Variants in MFHAS1 observed in about 807,000 individuals in gnomAD.
MFHAS1 encodes the protein multifunctional ROCO family signaling regulator 1.
Under a neutral mutation model 70.4 loss-of-function variants are expected in MFHAS1, and 50 were observed. The ratio of observed to expected loss-of-function variants is 0.71; its 90% CI spans 0.57 to 0.90. The LOEUF (loss-of-function observed/expected upper bound fraction) is 0.90, where lower values mean the gene tolerates loss of function less well. MFHAS1 is among the 40% of genes least tolerant of loss of function. MFHAS1 has a pLI of 0.00. For synonymous variants in MFHAS1, 952 were observed against 620.0 expected (o/e 1.54, Z -7.96); for missense variants, 1,795 against 1,347.6 (o/e 1.33, Z -5.20).
At chr8:8,786,186 CA>C (rs1805536260) in intron 2 of MFHAS1, 131 bp from the exon 3 acceptor site, 1 of 830,738 alleles carries the variant, frequency 1.2e-6, no homozygotes, top group African/African-American at 1.7e-5. Flanking sequence ...TTCCAGGACT[CA>C]TTATAAACAT....
intron 2 of MFHAS1, among the ~76,000 whole-genome samples, chr8:8,796,095 C>G (rs1003570048): frequency 6.6e-6 from 1 of 152,078 alleles, no homozygotes; most frequent in Admixed American, 6.6e-5. Flanking sequence ...ACAAACAAAA[C>G]AAAACGAAAA....
chr8:8,890,516 T>C lies in MFHAS1; in HGVS notation c.2543A>G (p.Tyr848Cys). 1.2e-6 allele frequency: 2 copies of C among 1,613,606 alleles called. No homozygotes were observed. Among genetic ancestry groups the C allele is most frequent in the Non-Finnish European group, 1.7e-6 (2 of 1,180,044 alleles). ...GTTCTGCACATAGCATGGGAACTTG[T>C]ACCAAGCTGTGGACCCATTCAAAGG... ...GKPLNGSTAW[Y>C]KFPCYVQNEV... The change falls in exon 1 of 3, where the codon TAC becomes TGC. Residue 848 changes from tyrosine (Y) to cysteine (C), a missense_variant. Coordinates refer to ENST00000276282, the MANE Select transcript of MFHAS1 (RefSeq NM_004225.3).
Position 8,892,027 on chromosome 8 carries a change from C to T in MFHAS1, c.1032G>A (p.Leu344=). The T allele has an allele frequency of 6.2e-7, 1 of 1,613,576 alleles. No homozygotes were observed. Among genetic ancestry groups the T allele is most frequent in the Non-Finnish European group, 8.5e-7 (1 of 1,180,026 alleles). ...LPDSIVELTG[L]EELVLQGNQI... Reference sequence around the variant, plus strand: ...GGTTCCCCTGCAGCACGAGCTCCTCCAGGCCGGTCAGCTCCACGATGGAGT... The same window carrying T: ...GGTTCCCCTGCAGCACGAGCTCCTCTAGGCCGGTCAGCTCCACGATGGAGT... Residue 344 remains leucine (L), a synonymous_variant, in exon 1 of 3, where the codon CTG becomes CTA. Transcript: ENST00000276282. This position sits in a 1 kb window ranked among gnomAD's most constrained non-coding sequence, Gnocchi z 4.7.
chr8:8,877,625 G>T (rs1403752032), intron 1 of MFHAS1, among the ~76,000 whole-genome samples: 1 of 152,170 alleles, frequency 6.6e-6, no homozygotes, highest in Non-Finnish European at 1.5e-5. Context: ...AAAGTGACCA[G>T]CAGCACGCTT....
rs748505637 is a variant in MFHAS1 at position 8,830,803 on chromosome 8, G to A, written c.2999-33312C>T. 4.6e-5 allele frequency among the ~76,000 whole-genome samples: 7 copies of A among 152,240 alleles called. No individual in the cohort carries two copies. The East Asian group carries it at 5.8e-4, about 13-fold the overall frequency. On this transcript the variant is annotated intron_variant, in intron 1 of 2. Transcript: ENST00000276282. Reference sequence around the variant, plus strand: ...AGTAGAGGCGGAGTTTTGCCATGTTGGCAGGCTGGTCTCAAACTCCTGACC... The same window carrying A: ...AGTAGAGGCGGAGTTTTGCCATGTTAGCAGGCTGGTCTCAAACTCCTGACC...
chr8:8,797,576 G>C, intron 1 of MFHAS1, 85 bp from the exon 2 acceptor site: 1 of 1,438,370 alleles, frequency 7.0e-7, no homozygotes. Context: ...CCCGGGGATG[G>C]GGGCAGGGGG....
intron 1 of MFHAS1, among the ~76,000 whole-genome samples, chr8:8,830,563 C>G (rs1298474682): frequency 1.3e-5 from 2 of 152,124 alleles, no homozygotes; most frequent in African/African-American, 4.8e-5. Flanking sequence ...GAAACATGTA[C>G]CCAAGGTCAC....
At chr8:8,790,483 T>C (rs1373969746) in intron 2 of MFHAS1, 2 of 531,442 alleles carry the variant, frequency 3.8e-6, no homozygotes, top group African/African-American at 4.1e-5. Flanking sequence ...GACGGGAGAC[T>C]AAATAATTAA....
chr8:8,891,383 G>T lies in MFHAS1; in HGVS notation c.1676C>A (p.Ala559Asp). The T allele has an allele frequency of 6.2e-7, 1 of 1,611,746 alleles. No individual in the cohort carries two copies. ...EKCLDIHRQI[A>D]LQEKHDAEGL... ...CTCCGCGTCGTGCTTCTCCTGCAGG[G>T]CGATCTGGCGGTGAATGTCCAGACA... The change falls in exon 1 of 3, where the codon GCC becomes GAC. Residue 559 changes from alanine (A) to aspartate (D), a missense_variant. Coordinates refer to ENST00000276282, the MANE Select transcript of MFHAS1 (RefSeq NM_004225.3). The surrounding 1 kb of genome is among the most constrained non-coding windows in gnomAD (Gnocchi z 5.4).
chr8:8,863,921 C>T (rs1373222808), intron 1 of MFHAS1, among the ~76,000 whole-genome samples: 3 of 152,226 alleles, frequency 2.0e-5, no homozygotes, highest in Admixed American at 6.5e-5. Flanking sequence ...CAGATCACTG[C>T]ATTTGGACAA....
At chr8:8,888,785 T>C (rs191289917) in intron 1 of MFHAS1, among the ~76,000 whole-genome samples, 11 of 152,312 alleles carry the variant, frequency 7.2e-5, no homozygotes, top group Non-Finnish European at 1.0e-4. Context: ...ATACAGGTCA[T>C]TGGACATTTG....
At chr8:8,846,335 G>A (rs1280282333) in intron 1 of MFHAS1, among the ~76,000 whole-genome samples, 1 of 124,350 alleles carries the variant, frequency 8.0e-6, no homozygotes, top group Non-Finnish European at 1.7e-5. Flanking sequence ...AGGAGTAGGA[G>A]GGGGAGGAGG....
At chr8:8,838,517 A>T (rs576630589) in intron 1 of MFHAS1, among the ~76,000 whole-genome samples, 2 of 152,306 alleles carry the variant, frequency 1.3e-5, no homozygotes, top group African/African-American at 4.8e-5. Flanking sequence ...GCCTCACATA[A>T]AATTCCATAT....
chr8:8,879,061 G>C (rs1809406707), intron 1 of MFHAS1, among the ~76,000 whole-genome samples: 1 of 152,050 alleles, frequency 6.6e-6, no homozygotes, highest in South Asian at 2.1e-4. Flanking sequence ...AAAAGGTAAG[G>C]ACTACTGCCA....
intron 1 of MFHAS1, among the ~76,000 whole-genome samples, chr8:8,864,047 G>T (rs1331962785): frequency 6.6e-6 from 1 of 152,052 alleles, no homozygotes; most frequent in Non-Finnish European, 1.5e-5. Flanking sequence ...TAGTTACATT[G>T]CCTTCCCACT....
rs553439697 is a variant in MFHAS1 at position 8,883,584 on chromosome 8, T to C, written c.2998+6477A>G. ...TTAGCTGGGCGTGGTGGTGCATGCCTGTAATCCCAGCTACTCGGGAGGCTG... is the reference window on the plus strand; with the variant it reads ...TTAGCTGGGCGTGGTGGTGCATGCCCGTAATCCCAGCTACTCGGGAGGCTG... On this transcript the variant is annotated intron_variant, in intron 1 of 2. Coordinates refer to ENST00000276282, the MANE Select transcript of MFHAS1 (RefSeq NM_004225.3). Among the ~76,000 whole-genome samples, 175 of 151,574 alleles carry C rather than the reference T, an allele frequency of 1.2e-3. 1 individual carries two copies. The highest frequency in any genetic ancestry group is 1.6e-3 in the Non-Finnish European group (110 of 67,892).
intron 1 of MFHAS1, 127 bp from the exon 2 acceptor site, chr8:8,797,618 G>A: frequency 9.4e-6 from 10 of 1,063,636 alleles, no homozygotes; most frequent in Non-Finnish European, 1.3e-5. Flanking sequence ...CGAAGGATGT[G>A]AGAACAAATG....
rs113223257 is a variant in MFHAS1, at chr8:8,877,155, C to T, written c.2998+12906G>A. On this transcript the variant is annotated intron_variant, in intron 1 of 2. Coordinates refer to ENST00000276282, the MANE Select transcript of MFHAS1 (RefSeq NM_004225.3). Reference sequence around the variant, plus strand: ...TCTCTATAAAAAATATAAAAACTAACTGGGCATGGTGGCATGTACCTGTAG... The same window carrying T: ...TCTCTATAAAAAATATAAAAACTAATTGGGCATGGTGGCATGTACCTGTAG... Among the ~76,000 whole-genome samples, 574 of 151,828 alleles carry T rather than the reference C, an allele frequency of 3.8e-3. 1 individual carries two copies. Among genetic ancestry groups the T allele is most frequent in the African/African-American group, 0.013 (559 of 41,442 alleles).
chr8:8,854,250 A>C (rs1238063892), intron 1 of MFHAS1, among the ~76,000 whole-genome samples: 1 of 152,084 alleles, frequency 6.6e-6, no homozygotes, highest in East Asian at 1.9e-4. Context: ...CATAAAAATT[A>C]GGCCAGGTGC....
Sources: allele counts gnomAD v4.1 joint callset (sites outside exome capture counted in the v4.1 genomes callset), GRCh38; gene constraint gnomAD v4.1.1; non-coding constraint Gnocchi (gnomAD v3.1); transcripts MANE v1.5; gene names NCBI Gene and HGNC (gene_info 2026-07-23, HGNC 2026-07-21).